Variants in LARGE1 observed in about 807,000 individuals in gnomAD.
The protein encoded by LARGE1 is xylosyl- and glucuronyltransferase LARGE1.
LARGE1 carries 43 observed loss-of-function variants against 87.6 expected under a neutral mutation model. The observed-to-expected ratio is 0.49, with a 90% CI of 0.38 to 0.63. The LOEUF (loss-of-function observed/expected upper bound fraction) is 0.63. Ranked by LOEUF, LARGE1 falls within the 30% of genes least tolerant of loss-of-function variation. The probability of loss-of-function intolerance (pLI) is 0.00; values close to 1 mark genes in which losing one functional copy is unlikely to be tolerated. For missense variants in LARGE1, 802 were observed against 1,000.2 expected (o/e 0.80, Z 2.67); for synonymous variants, 434 against 394.6 (o/e 1.10, Z -1.18).
intron 2 of LARGE1, among the ~76,000 whole-genome samples, chr22:33,687,420 G>A (rs962070409): frequency 4.7e-5 from 7 of 150,410 alleles, no homozygotes; most frequent in Admixed American, 6.6e-5. Context: ...ATTACCAGCC[G>A]ATAGAACTTG....
intron 2 of LARGE1, among the ~76,000 whole-genome samples, chr22:33,739,740 T>A (rs2149511499): frequency 6.6e-6 from 1 of 152,232 alleles, no homozygotes; most frequent in African/African-American, 2.4e-5. Context: ...AGGAAAAAAT[T>A]AAGCTCTTCC....
At chr22:33,809,619 G>C (rs902052209) in intron 1 of LARGE1, among the ~76,000 whole-genome samples, 2 of 152,176 alleles carry the variant, frequency 1.3e-5, no homozygotes, top group African/African-American at 2.4e-5. Flanking sequence ...CACATGTATA[G>C]TTTTTCATTT....
intron 9 of LARGE1, among the ~76,000 whole-genome samples, chr22:33,358,554 C>T (rs932933264): frequency 6.6e-6 from 1 of 152,032 alleles, no homozygotes; most frequent in Non-Finnish European, 1.5e-5. Context: ...ATAAATTGCC[C>T]CTAAGAAGAT....
At chr22:33,767,574 T>C (rs2084945014) in intron 1 of LARGE1, among the ~76,000 whole-genome samples, 1 of 151,886 alleles carries the variant, frequency 6.6e-6, no homozygotes, top group Non-Finnish European at 1.5e-5. Flanking sequence ...TAGTTACCAT[T>C]TGAGAGACTC....
chr22:33,445,893 A>G (rs149018366), intron 6 of LARGE1, among the ~76,000 whole-genome samples: 1,816 of 151,802 alleles, frequency 0.012, 39 homozygotes, highest in African/African-American at 0.041. Flanking sequence ...CAGGTGATTC[A>G]TGTGCCTCAG....
intron 6 of LARGE1, among the ~76,000 whole-genome samples, chr22:33,554,800 T>C (rs543591205): frequency 1.6e-4 from 25 of 152,354 alleles, no homozygotes; most frequent in African/African-American, 5.5e-4. Context: ...TAAGACCCTT[T>C]ATACCTCTCT....
At chr22:33,110,279 T>C in the LARGE1 span, 8 of 152,262 alleles carry the variant, frequency 5.3e-5, no homozygotes, top group Admixed American at 5.2e-4. Flanking sequence ...ACATCTCCAT[T>C]TCCAGTGGGA....
chr22:33,283,018 C>T (rs190272378), intron 13 of LARGE1, among the ~76,000 whole-genome samples, 184 bp downstream of exon 13: 69 of 152,288 alleles, frequency 4.5e-4, no homozygotes, highest in Admixed American at 2.1e-3. Flanking sequence ...GTACATGGCA[C>T]GTACCGGCAT....
At chr22:33,607,777 G>T (rs1010438436) in intron 4 of LARGE1, among the ~76,000 whole-genome samples, 1 of 152,220 alleles carries the variant, frequency 6.6e-6, no homozygotes, top group South Asian at 2.1e-4. Context: ...TGCCATACAT[G>T]TAACAGGTGC....
At chr22:33,152,450 C>T in the LARGE1 span, among the ~76,000 whole-genome samples, 2 of 152,200 alleles carry the variant, frequency 1.3e-5, no homozygotes, top group East Asian at 3.8e-4. Context: ...TCCCACTGTT[C>T]CCAAAACGCT....
At chr22:33,389,036 C>T (rs1379729435) in intron 7 of LARGE1, among the ~76,000 whole-genome samples, 1 of 152,206 alleles carries the variant, frequency 6.6e-6, no homozygotes, top group Non-Finnish European at 1.5e-5. Flanking sequence ...ATGAAGAGAG[C>T]TCACAGGAGG....
intron 6 of LARGE1, among the ~76,000 whole-genome samples, chr22:33,540,731 G>T (rs1477289915): frequency 6.6e-6 from 1 of 152,094 alleles, no homozygotes; most frequent in East Asian, 1.9e-4. Context: ...TGGCTGATAT[G>T]GGGTAGACCT....
At chr22:33,864,008 G>T (rs1322398460) in intron 1 of LARGE1, among the ~76,000 whole-genome samples, 1 of 152,180 alleles carries the variant, frequency 6.6e-6, no homozygotes, top group Admixed American at 6.5e-5. Context: ...GGCATATGGA[G>T]CTATGACAAG....
In LARGE1 at chr22:33,304,283, A is replaced by G; in HGVS notation, c.1676T>C (p.Met559Thr). 6.2e-7 allele frequency: 1 copy of G among 1,614,258 alleles called. No homozygotes were observed. Among genetic ancestry groups the G allele is most frequent in the Non-Finnish European group, 8.5e-7 (1 of 1,180,042 alleles). Residue 559 changes from methionine (M) to threonine (T), a missense_variant, in exon 12 of 15, where the codon ATG (methionine) becomes ACG (threonine). Met to Thr is a moderately conservative substitution (Grantham distance 81, BLOSUM62 -1). Transcript: ENST00000397394. Reference protein sequence around the residue: ...VAMKHISTPYMFLSDIDFLPM... With the variant: ...VAMKHISTPYTFLSDIDFLPM... ...CAGGAAGTCAATGTCAGACAGGAACATGTAGGGAGTGCTGATGTGCTTCAT... is the reference window on the plus strand; with the variant it reads ...CAGGAAGTCAATGTCAGACAGGAACGTGTAGGGAGTGCTGATGTGCTTCAT...
chr22:33,076,469 T>C, the LARGE1 span, among the ~76,000 whole-genome samples: 1 of 152,212 alleles, frequency 6.6e-6, no homozygotes, highest in Non-Finnish European at 1.5e-5. Flanking sequence ...CTTCTGAAGA[T>C]ATTTTTGAGT....
At chr22:33,112,137 T>TAAACCCC in the LARGE1 span, among the ~76,000 whole-genome samples, 2 of 152,172 alleles carry the variant, frequency 1.3e-5, no homozygotes, top group African/African-American at 4.8e-5. Flanking sequence ...TAGAGAATAG[T>TAAACCCC]TTGCAGGGGG....
At chr22:33,675,924 C>T (rs373024812) in intron 2 of LARGE1, among the ~76,000 whole-genome samples, 1 of 152,064 alleles carries the variant, frequency 6.6e-6, no homozygotes, top group East Asian at 1.9e-4. Context: ...GTGAAAGGGC[C>T]TCAGGTGTGA....
At chr22:33,362,187 T>C (rs5749607) in intron 9 of LARGE1, among the ~76,000 whole-genome samples, 138,800 of 148,226 alleles carry the variant, frequency 0.94, 65,620 homozygotes, top group Non-Finnish European at 0.97. Context: ...AAGGCTGAGT[T>C]ATCAAGCGTA....
chr22:33,701,662 T>A (rs2082407250), intron 2 of LARGE1, among the ~76,000 whole-genome samples: 1 of 152,172 alleles, frequency 6.6e-6, no homozygotes, highest in Admixed American at 6.5e-5. Context: ...CGGGGACACA[T>A]CTCAACAGCA....
Sources: gnomAD v4.1 joint callset for allele counts (sites outside exome capture counted in the v4.1 genomes callset) on GRCh38, gnomAD v4.1.1 for gene constraint, MANE v1.5 for transcripts, NCBI Gene and HGNC (gene_info 2026-07-23, HGNC 2026-07-21) for gene names.